Variants in PITPNC1 observed in about 807,000 individuals in gnomAD.
PITPNC1 encodes the protein phosphatidylinositol transfer protein cytoplasmic 1.
Under a neutral mutation model 44.7 loss-of-function variants are expected in PITPNC1, and 18 were observed. That is an observed-to-expected ratio of 0.40 (90% confidence interval 0.28 to 0.60). PITPNC1 has a LOEUF of 0.60. PITPNC1 is among the 20% of genes least tolerant of loss of function. PITPNC1 has a pLI of 0.39. For missense variants in PITPNC1, 290 were observed against 418.4 expected, an observed-to-expected ratio of 0.69 and a Z score of 2.68; for synonymous variants, 141 against 149.6, an observed-to-expected ratio of 0.94 and a Z score of 0.42.
At chr17:67,499,405 A>G (rs1466764626) in intron 1 of PITPNC1, among the ~76,000 whole-genome samples, 1 of 150,758 alleles carries the variant, frequency 6.6e-6, no homozygotes, top group Non-Finnish European at 1.5e-5. Context: ...TTGTAGAGAC[A>G]GGGGTCTCAC....
At chr17:67,450,373 G>A (rs1290047011) in intron 1 of PITPNC1, among the ~76,000 whole-genome samples, 1 of 104,088 alleles carries the variant, frequency 9.6e-6, no homozygotes, top group Non-Finnish European at 2.4e-5. Flanking sequence ...GGGAGACTTC[G>A]TTAAAAAAAA....
At chr17:67,685,570 A>G (rs1208790954) in intron 8 of PITPNC1, among the ~76,000 whole-genome samples, 3 of 152,338 alleles carry the variant, frequency 2.0e-5, no homozygotes, top group Non-Finnish European at 4.4e-5. Context: ...ATCCCCACTA[A>G]GCCAATTAGT....
At chr17:67,523,599 T>C (rs2040355939) in intron 1 of PITPNC1, among the ~76,000 whole-genome samples, 1 of 151,958 alleles carries the variant, frequency 6.6e-6, no homozygotes, top group South Asian at 2.1e-4. Flanking sequence ...TCGTCTAAGG[T>C]TACAAAGCTA....
chr17:67,441,173 C>T (rs2039007384), intron 1 of PITPNC1, among the ~76,000 whole-genome samples: 1 of 152,146 alleles, frequency 6.6e-6, no homozygotes, highest in Admixed American at 6.5e-5. Flanking sequence ...TTGTCTGGGA[C>T]CAGCCACTGG....
At chr17:67,402,714 T>C (rs2038336620) in intron 1 of PITPNC1, among the ~76,000 whole-genome samples, 1 of 152,238 alleles carries the variant, frequency 6.6e-6, no homozygotes, top group Non-Finnish European at 1.5e-5. Flanking sequence ...TCGCCCAGGC[T>C]GGAGTGCAGT....
At chr17:67,416,070 G>A (rs542384047) in intron 1 of PITPNC1, among the ~76,000 whole-genome samples, 7 of 152,210 alleles carry the variant, frequency 4.6e-5, no homozygotes, top group South Asian at 4.1e-4. Context: ...AAAATAGCAC[G>A]TGGCGGGTGG....
Position 67,532,947 on chromosome 17 carries a change from A to G in PITPNC1, c.194A>G (p.Asn65Ser), listed in dbSNP as rs2040482524. ...GQFTEKRVYLNSKLPSWARAV... is the reference protein window; with the variant it reads ...GQFTEKRVYLSSKLPSWARAV... ...TTCACCGAGAAGCGGGTGTATCTCA[A>G]CAGGTGAGTCATGGCAGCCTGCGTT... is the stretch of plus-strand genomic sequence containing the variant. The change falls in exon 2 of 9, where the codon AAC (asparagine) becomes AGC (serine). Residue 65 changes from asparagine (N) to serine (S), a missense_variant. Asn to Ser is a conservative substitution (Grantham distance 46). Coordinates refer to ENST00000581322, the MANE Select transcript of PITPNC1 (RefSeq NM_012417.4). 9 of 1,608,176 alleles carry G rather than the reference A, an allele frequency of 5.6e-6. No individual in the cohort carries two copies. The East Asian group carries it at 2.0e-4, about 36-fold the overall frequency.
chr17:67,532,306 G>A (rs953567483), intron 1 of PITPNC1, among the ~76,000 whole-genome samples: 5 of 152,186 alleles, frequency 3.3e-5, no homozygotes, highest in African/African-American at 1.2e-4. Flanking sequence ...ATTGTTCTAG[G>A]GGACAGAGGC....
At chr17:67,626,595 T>C (rs1442637027) in intron 5 of PITPNC1, among the ~76,000 whole-genome samples, 3 of 152,064 alleles carry the variant, frequency 2.0e-5, no homozygotes, top group East Asian at 1.9e-4. Flanking sequence ...GTCTTAAACT[T>C]CTGACCTCAG....
At chr17:67,657,332 T>A (rs2042282872) in intron 6 of PITPNC1, among the ~76,000 whole-genome samples, 1 of 152,144 alleles carries the variant, frequency 6.6e-6, no homozygotes, top group Admixed American at 6.6e-5. Context: ...TGAGATTGAC[T>A]AGATGAAATC....
At chr17:67,574,340 C>G (rs2041105347) in intron 4 of PITPNC1, among the ~76,000 whole-genome samples, 2 of 152,032 alleles carry the variant, frequency 1.3e-5, no homozygotes, top group Non-Finnish European at 2.9e-5. Flanking sequence ...CTCGGATTCA[C>G]AAAGAATAAG....
chr17:67,685,924 G>A (rs938554545), intron 8 of PITPNC1, among the ~76,000 whole-genome samples: 13 of 151,832 alleles, frequency 8.6e-5, no homozygotes, highest in Non-Finnish European at 1.6e-4. Context: ...TCTGCCTCCC[G>A]GGTTCAAGTG....
chr17:67,442,192 G>A, intron 1 of PITPNC1, among the ~76,000 whole-genome samples: 1 of 116,804 alleles, frequency 8.6e-6, no homozygotes. Context: ...AGCTGGATCA[G>A]GGGAAAATAA....
At chr17:67,475,539 A>C (rs2039613811) in intron 1 of PITPNC1, among the ~76,000 whole-genome samples, 1 of 152,234 alleles carries the variant, frequency 6.6e-6, no homozygotes, top group African/African-American at 2.4e-5. Flanking sequence ...TTGAGGAACA[A>C]GGCCAAGGCA....
intron 1 of PITPNC1, among the ~76,000 whole-genome samples, chr17:67,517,413 T>C (rs912000176): frequency 2.6e-5 from 4 of 152,108 alleles, no homozygotes; most frequent in African/African-American, 7.2e-5. Context: ...ACCCAGTAAT[T>C]CCATATCCAA....
chr17:67,582,484 G>A (rs951176027), intron 5 of PITPNC1, among the ~76,000 whole-genome samples: 8 of 151,940 alleles, frequency 5.3e-5, no homozygotes, highest in African/African-American at 1.9e-4. Flanking sequence ...GAAAGAGGCT[G>A]CTGATAGTCA....
chr17:67,665,387 C>A (rs1410384113), intron 6 of PITPNC1, among the ~76,000 whole-genome samples: 3 of 152,150 alleles, frequency 2.0e-5, no homozygotes, highest in Non-Finnish European at 4.4e-5. Flanking sequence ...GCCACTGCAC[C>A]CAGCCCATGT....
At chr17:67,650,642 G>A (rs1415613360) in intron 6 of PITPNC1, among the ~76,000 whole-genome samples, 1 of 151,810 alleles carries the variant, frequency 6.6e-6, no homozygotes, top group Non-Finnish European at 1.5e-5. Context: ...GTAGAGACGG[G>A]GTTTCACCAT....
intron 8 of PITPNC1, among the ~76,000 whole-genome samples, chr17:67,677,211 C>G (rs1190264728): frequency 2.0e-5 from 3 of 152,088 alleles, no homozygotes; most frequent in African/African-American, 7.2e-5. Flanking sequence ...GGTTTCCTTG[C>G]TACCAACACC....
Sources: allele counts gnomAD v4.1 joint callset (sites outside exome capture counted in the v4.1 genomes callset), GRCh38; gene constraint gnomAD v4.1.1; transcripts MANE v1.5; gene names NCBI Gene and HGNC (gene_info 2026-07-23, HGNC 2026-07-21).